CDC25C: variants seen among roughly 807,000 people sequenced by gnomAD.
CDC25C encodes M-phase inducer phosphatase 3.
A neutral mutation model predicts 52.5 loss-of-function variants in CDC25C; 48 were observed. That is an observed-to-expected ratio of 0.91 (90% CI 0.72 to 1.16). CDC25C has a LOEUF of 1.16. Ranked by LOEUF, CDC25C falls within the 50% of genes most tolerant of loss-of-function variation. The pLI, the probability that CDC25C is intolerant of heterozygous loss-of-function variation, is 0.00. For synonymous variants in CDC25C, 187 were observed against 206.5 expected (o/e 0.91, Z 0.81); for missense variants, 510 against 566.1 (o/e 0.90, Z 1.01).
Position 138,319,329 on chromosome 5 carries a change from G to A in CDC25C, c.505C>T (p.Pro169Ser). The A allele has an allele frequency of 6.2e-7, 1 of 1,613,346 alleles. No homozygotes were observed. Among genetic ancestry groups the A allele is most frequent in the South Asian group, 1.1e-5 (1 of 91,024 alleles). ...TCCAATTTTGGAACAGTAGTAATGG[G>A]ACTGCCCAAATATTTCATTTCACTG... ...VDSEMKYLGS[P>S]ITTVPKLDKN... is the part of the protein sequence containing the mutation. The change falls in exon 7 of 14, where the codon CCC becomes TCC. Residue 169 changes from proline to serine, a missense_variant. Transcript: ENST00000323760.
At chr5:138,334,973 T>C (rs964021761), upstream of CDC25C, 6 of 152,274 alleles carry the variant, frequency 3.9e-5, no homozygotes, top group Non-Finnish European at 5.9e-5. Flanking sequence ...ATTGAGGGCA[T>C]TGATCCTATG....
rs1758650392 is a variant in CDC25C at position 138,313,962 on chromosome 5, T to TC, written c.615+5256_615+5257insG. On this transcript the variant is annotated intron_variant, in intron 7 of 13. Coordinates refer to ENST00000323760, the MANE Select transcript of CDC25C (RefSeq NM_001790.5). The stretch of plus-strand genomic sequence containing the variant: ...ATATCCTCCCAAACACCTATGTCCC[T>TC]TTTTCTTTCTTTCTTTCTTTCTTTC... Among the ~76,000 whole-genome samples, 8 of 113,866 alleles carry TC rather than the reference T, an allele frequency of 7.0e-5. 1 individual carries two copies. The highest frequency in any genetic ancestry group is 4.2e-4 in the Admixed American group (4 of 9,574). The allele number at this position is 113,866 out of a possible 152,430, so 74.7% of individuals were successfully genotyped here. A position where few individuals can be genotyped will look rare whatever the true frequency, so the allele number is the denominator to read the frequency against.
chr5:138,332,036 C>A (rs1042560499), upstream of CDC25C: 1 of 378,102 alleles, frequency 2.6e-6, no homozygotes, highest in Non-Finnish European at 3.6e-6. Context: ...AGGCAGGCTG[C>A]GGGGTAAGCT....
At chr5:138,296,799 G>T (rs1369654180) in intron 7 of CDC25C, among the ~76,000 whole-genome samples, 6 of 150,942 alleles carry the variant, frequency 4.0e-5, no homozygotes, top group Non-Finnish European at 8.8e-5. Flanking sequence ...TAGAGACGGG[G>T]TTTCACCGTG....
chr5:138,294,058 C>T (rs532827050), intron 7 of CDC25C, among the ~76,000 whole-genome samples: 1 of 145,358 alleles, frequency 6.9e-6, no homozygotes, highest in Non-Finnish European at 1.5e-5. Context: ...CAGAGTCTCA[C>T]TCTGTCGCCC....
chr5:138,330,378 A>G (rs1344735756), intron 2 of CDC25C, among the ~76,000 whole-genome samples: 1 of 152,186 alleles, frequency 6.6e-6, no homozygotes, highest in Non-Finnish European at 1.5e-5. Flanking sequence ...TACAACTGCA[A>G]TAACACTAAT....
At chr5:138,297,629 C>T (rs879160407) in intron 7 of CDC25C, among the ~76,000 whole-genome samples, 2 of 152,186 alleles carry the variant, frequency 1.3e-5, no homozygotes, top group Admixed American at 1.3e-4. Flanking sequence ...TAGTCAAGTC[C>T]TCTGCTCTGA....
At chr5:138,333,596 C>G (rs1738261662), upstream of CDC25C, 1 of 152,174 alleles carries the variant, frequency 6.6e-6, no homozygotes, top group African/African-American at 2.4e-5. Context: ...TTGACGACTA[C>G]AGTATAATCA....
chr5:138,330,928 A>C, intron 2 of CDC25C, 59 bp downstream of exon 2: 1 of 1,244,700 alleles, frequency 8.0e-7, no homozygotes, highest in Non-Finnish European at 1.2e-6. Context: ...ACCAACAAAC[A>C]AACCCAACTG....
chr5:138,323,362 A>G (rs111822411), intron 6 of CDC25C, among the ~76,000 whole-genome samples: 61 of 152,122 alleles, frequency 4.0e-4, no homozygotes, highest in Admixed American at 1.0e-3. Flanking sequence ...AATCCTCCCA[A>G]TTATAACTCA....
At chr5:138,314,151 A>G (rs1004657293) in intron 7 of CDC25C, among the ~76,000 whole-genome samples, 1 of 151,660 alleles carries the variant, frequency 6.6e-6, no homozygotes, top group Non-Finnish European at 1.5e-5. Flanking sequence ...GCCCAACACC[A>G]TGCCCAGCTA....
At chr5:138,328,914 C>CT (rs1219539105) in intron 3 of CDC25C, 41 of 171,978 alleles carry the variant, frequency 2.4e-4, no homozygotes, top group South Asian at 1.1e-3. Flanking sequence ...CAACATATTT[C>CT]TTTTTTTTTG....
At chr5:138,295,555 G>A (rs1757115810) in intron 7 of CDC25C, among the ~76,000 whole-genome samples, 1 of 151,808 alleles carries the variant, frequency 6.6e-6, no homozygotes, top group Non-Finnish European at 1.5e-5. Flanking sequence ...TGAGGCTGCA[G>A]TGAGCTGTGA....
chr5:138,337,893 C>G lies in CDC25C; in HGVS notation c.13+63G>C. The stretch of plus-strand genomic sequence containing the variant: ...GCTAATTGCGTGACGCGGCCCGAAC[C>G]GAGTGGGAGGCTGCAGTTGGGCCGT... On this transcript the variant is annotated intron_variant, in intron 1 of 5. Coordinates refer to the CDC25C transcript ENST00000510119. 4 of 1,188,110 alleles carry G rather than the reference C, an allele frequency of 3.4e-6. No homozygotes were observed. In the South Asian group the frequency reaches 3.8e-5, roughly 11 times the overall value. The allele number at this position is 1,188,110 out of a possible 1,614,324, so 73.6% of individuals were successfully genotyped here.
intron 7 of CDC25C, among the ~76,000 whole-genome samples, chr5:138,304,061 G>A (rs960882205): frequency 5.9e-5 from 9 of 152,184 alleles, no homozygotes; most frequent in South Asian, 2.1e-4. Context: ...ACTTCAAACT[G>A]CATATGACTA....
At chr5:138,305,931 G>A (rs551647019) in intron 7 of CDC25C, among the ~76,000 whole-genome samples, 1 of 152,254 alleles carries the variant, frequency 6.6e-6, no homozygotes, top group Admixed American at 6.5e-5. Context: ...ACTTTTTATG[G>A]TGGCTGCATC....
chr5:138,303,973 G>A (rs1356092893), intron 7 of CDC25C, among the ~76,000 whole-genome samples: 1 of 152,142 alleles, frequency 6.6e-6, no homozygotes, highest in Admixed American at 6.6e-5. Flanking sequence ...GGGTATAAAA[G>A]GAGATTGATT....
chr5:138,330,113 T>C (rs1760236923), intron 2 of CDC25C, among the ~76,000 whole-genome samples: 1 of 152,148 alleles, frequency 6.6e-6, no homozygotes, highest in South Asian at 2.1e-4. Flanking sequence ...TTTTGGGAAA[T>C]ATATCAGACT....
intron 7 of CDC25C, among the ~76,000 whole-genome samples, chr5:138,306,537 G>A (rs759649465): frequency 2.0e-5 from 3 of 151,794 alleles, no homozygotes; most frequent in Non-Finnish European, 2.9e-5. Context: ...GTGCAGTGGC[G>A]CAATCTCGGC....
Sources: gnomAD v4.1 joint callset for allele counts (sites outside exome capture counted in the v4.1 genomes callset) on GRCh38, gnomAD v4.1.1 for gene constraint, MANE v1.5 for transcripts, NCBI Gene and HGNC (gene_info 2026-07-23, HGNC 2026-07-21) for gene names.